NUCKS1: variants seen among roughly 807,000 people sequenced by gnomAD.
The protein encoded by NUCKS1 is nuclear ubiquitous casein and cyclin-dependent kinase substrate 1.
Under a neutral mutation model 33.0 loss-of-function variants are expected in NUCKS1, and 2 were observed. The observed-to-expected ratio is 0.06, with a 90% CI of 0.02 to 0.19. The LOEUF (loss-of-function observed/expected upper bound fraction) is 0.19. NUCKS1 is among the 10% of genes least tolerant of loss of function. The pLI, the probability that NUCKS1 is intolerant of heterozygous loss-of-function variation, is 1.00. For missense variants in NUCKS1, 201 were observed against 293.6 expected, an observed-to-expected ratio of 0.68 and a Z score of 2.31; for synonymous variants, 106 against 102.8, an observed-to-expected ratio of 1.03 and a Z score of -0.19.
chr1:205,745,091 T>C (rs1323854561), intron 1 of NUCKS1, among the ~76,000 whole-genome samples: 3 of 152,228 alleles, frequency 2.0e-5, no homozygotes, highest in Admixed American at 2.0e-4. Flanking sequence ...ACTAGGAATG[T>C]GGACTTCTAA....
chr1:205,722,941 T>G lies in NUCKS1; in HGVS notation c.229+985A>C, dbSNP rs12079737. Among the ~76,000 whole-genome samples the G allele has an allele frequency of 7.7e-4, 117 of 152,290 alleles. 1 individual carries two copies. Among genetic ancestry groups the G allele is most frequent in the African/African-American group, 2.6e-3 (108 of 41,564 alleles). ...ATGGCCGACCCAAAACTAAACCCAC[T>G]TGGTAGAAGCTTAGCTTAATACTAG... On this transcript the variant is annotated intron_variant, in intron 4 of 6. Transcript: ENST00000367142.
intron 2 of NUCKS1, among the ~76,000 whole-genome samples, chr1:205,728,706 T>C (rs1280187600): frequency 2.0e-5 from 3 of 152,150 alleles, no homozygotes. Flanking sequence ...GAAAAAAGAA[T>C]AGTAAACATA....
chr1:205,741,986 A>C (rs922884129), intron 1 of NUCKS1, among the ~76,000 whole-genome samples: 3 of 152,204 alleles, frequency 2.0e-5, no homozygotes, highest in East Asian at 3.8e-4. Flanking sequence ...TATAGAACCA[A>C]GTTTCTCTGT....
At position 205,717,900 on chromosome 1, in the gene NUCKS1, C is replaced by T. The variant is rs141913446; in HGVS notation, c.*380G>A. 2.0e-6 allele frequency: 2 copies of T among 990,124 alleles called. No homozygotes were observed. Among genetic ancestry groups the T allele is most frequent in the African/African-American group, 1.7e-5 (1 of 57,404 alleles). 61.3% of individuals were successfully genotyped at this position (990,124 alleles called of 1,614,324 possible). A position where few individuals can be genotyped will look rare whatever the true frequency, so the allele number is the denominator to read the frequency against. ...TATTTTTTAGCAAAAAGCGAAGTTT[C>T]AATAGTGTTCATCTCAAATCTTATT... On this transcript the variant is annotated 3_prime_UTR_variant, in exon 7 of 7. Coordinates refer to ENST00000367142, the MANE Select transcript of NUCKS1 (RefSeq NM_022731.5).
Position 205,715,372 on chromosome 1 carries a change from C to T in NUCKS1, c.*2908G>A, listed in dbSNP as rs1435770488. ...ATTACCTCCCTAAAGGAGGAAACAC[C>T]CATTAATTTTCCCTTATGGAATCAA... On this transcript the variant is annotated 3_prime_UTR_variant, in exon 7 of 7. Coordinates refer to ENST00000367142, the MANE Select transcript of NUCKS1 (RefSeq NM_022731.5). 1 of 152,106 alleles carries T rather than the reference C, an allele frequency of 6.6e-6. No homozygotes were observed. Among genetic ancestry groups the T allele is most frequent in the Admixed American group, 6.6e-5 (1 of 15,264 alleles). The allele number at this position is 152,106 out of a possible 1,614,324, so 9.4% of individuals were successfully genotyped here.
intron 1 of NUCKS1, among the ~76,000 whole-genome samples, chr1:205,738,818 G>A (rs1469839129): frequency 6.6e-6 from 1 of 152,190 alleles, no homozygotes; most frequent in Admixed American, 6.5e-5. Context: ...TGAGGTGGGA[G>A]AATAGCTTGA....
chr1:205,747,630 C>T (rs1654363961), intron 1 of NUCKS1, among the ~76,000 whole-genome samples: 1 of 152,152 alleles, frequency 6.6e-6, no homozygotes, highest in Admixed American at 6.5e-5. Flanking sequence ...AAATTATACA[C>T]AGGCCTAAGG....
chr1:205,744,232 C>T (rs1336172869), intron 1 of NUCKS1, among the ~76,000 whole-genome samples: 3 of 152,178 alleles, frequency 2.0e-5, no homozygotes, highest in East Asian at 1.9e-4. Flanking sequence ...CACGAACTGG[C>T]TTTGGGTTGT....
intron 1 of NUCKS1, among the ~76,000 whole-genome samples, chr1:205,742,617 G>T (rs764764919): frequency 3.3e-5 from 5 of 152,174 alleles, no homozygotes; most frequent in Non-Finnish European, 4.4e-5. Context: ...AAGGTCAGGG[G>T]ATCGAGACCA....
chr1:205,749,650 T>G (rs1204179046), intron 1 of NUCKS1, among the ~76,000 whole-genome samples: 1 of 151,180 alleles, frequency 6.6e-6, no homozygotes, highest in African/African-American at 2.4e-5. Flanking sequence ...TTCACACCCC[T>G]CCCCCTCCGG....
At chr1:205,738,447 T>TC (rs887371342) in intron 1 of NUCKS1, among the ~76,000 whole-genome samples, 19 of 151,822 alleles carry the variant, frequency 1.3e-4, no homozygotes, top group Non-Finnish European at 2.5e-4. Context: ...CTAATTTTTT[T>TC]TTTTTTTTTT....
rs527290082 is a variant in NUCKS1, at chr1:205,720,643, T to C, written c.240A>G (p.Glu80=). 1.2e-6 allele frequency: 2 copies of C among 1,612,852 alleles called. No homozygotes were observed. Among genetic ancestry groups the C allele is most frequent in the Non-Finnish European group, 1.7e-6 (2 of 1,179,750 alleles). The part of the protein sequence containing the change: ...KDDSHSAEDS[E]DEKEDHKNVR... ...CATTTTTATGATCTTCTTTTTCATC[T>C]TCACTATCCTCTGCAATATCAGAAT... The change falls in exon 5 of 7, where the codon GAA becomes GAG. Residue 80 remains glutamate, a synonymous_variant. Coordinates refer to ENST00000367142, the MANE Select transcript of NUCKS1 (RefSeq NM_022731.5).
rs1671962977 is a variant in NUCKS1 at position 205,723,960 on chromosome 1, A to G, written c.195T>C (p.Asp65=). 6.2e-7 allele frequency: 1 copy of G among 1,612,712 alleles called. No homozygotes were observed. The highest frequency in any genetic ancestry group is 2.2e-5 in the East Asian group (1 of 44,780). Residue 65 remains aspartate, a synonymous_variant, in exon 4 of 7, where the codon GAT becomes GAC. Coordinates refer to ENST00000367142, the MANE Select transcript of NUCKS1 (RefSeq NM_022731.5). ...GAGAATCATCCTTCTTGGTCTTCAC[A>G]TCTTTGTCTTCTGAGTCCTCACTAT... ...QEDSEDSEDK[D]VKTKKDDSHS... is the part of the protein sequence containing the mutation.
At position 205,714,377 on chromosome 1, in the gene NUCKS1, G is replaced by A. The variant is rs1307626808; in HGVS notation, c.*3903C>T. 1 of 152,004 alleles carries A rather than the reference G, an allele frequency of 6.6e-6. No homozygotes were observed. The highest frequency in any genetic ancestry group is 6.6e-5 in the Admixed American group (1 of 15,244). The allele number at this position is 152,004 out of a possible 1,614,324, so 9.4% of individuals were successfully genotyped here. A position where few individuals can be genotyped will look rare whatever the true frequency, so the allele number is the denominator to read the frequency against. On this transcript the variant is annotated 3_prime_UTR_variant, in exon 7 of 7. Coordinates refer to ENST00000367142, the MANE Select transcript of NUCKS1 (RefSeq NM_022731.5). ...GGTGGCATTCTACCAGCCACACAAAGCATGCTCAAACAGATGTCACCAGTT... is the reference window on the plus strand; with the variant it reads ...GGTGGCATTCTACCAGCCACACAAAACATGCTCAAACAGATGTCACCAGTT...
intron 1 of NUCKS1, among the ~76,000 whole-genome samples, chr1:205,740,927 C>T: frequency 6.6e-6 from 1 of 152,024 alleles, no homozygotes; most frequent in East Asian, 1.9e-4. Context: ...TTATAAGGCA[C>T]TCCTTATTCC....
At chr1:205,741,458 T>G (rs1015538574) in intron 1 of NUCKS1, among the ~76,000 whole-genome samples, 7 of 152,132 alleles carry the variant, frequency 4.6e-5, no homozygotes, top group African/African-American at 1.4e-4. Context: ...CAGAGAAACC[T>G]CTAATGTGTG....
rs1275686961 is a variant in NUCKS1 at position 205,750,158 on chromosome 1, G to A, written c.-185C>T. The A allele has an allele frequency of 1.7e-5, 11 of 634,636 alleles. No homozygotes were observed. Among genetic ancestry groups the A allele is most frequent in the Admixed American group, 8.1e-5 (3 of 37,104 alleles). 39.3% of individuals were successfully genotyped at this position (634,636 alleles called of 1,614,324 possible). ...GGCTCCTGGAACAGACGAGCCCCCC[G>A]CTCCCCCGTCTCTTCAAAATGGATG... is the stretch of plus-strand genomic sequence containing the variant. On this transcript the variant is annotated 5_prime_UTR_variant, in exon 1 of 7. Coordinates refer to ENST00000367142, the MANE Select transcript of NUCKS1 (RefSeq NM_022731.5).
Position 205,713,185 on chromosome 1 carries a change from C to T in NUCKS1, c.*5095G>A, listed in dbSNP as rs1336355357. 6.6e-6 allele frequency: 1 copy of T among 151,684 alleles called. No individual in the cohort carries two copies. The highest frequency in any genetic ancestry group is 2.4e-5 in the African/African-American group (1 of 41,232). The allele number at this position is 151,684 out of a possible 1,614,324, so 9.4% of individuals were successfully genotyped here. On this transcript the variant is annotated 3_prime_UTR_variant, in exon 7 of 7. Transcript: ENST00000367142. Reference sequence around the variant, plus strand: ...AAGGTATTACAAGAAGTACACAGAGCACACATCTGGGTTATAAAAGCCCTT... The same window carrying T: ...AAGGTATTACAAGAAGTACACAGAGTACACATCTGGGTTATAAAAGCCCTT...
chr1:205,728,912 T>C (rs1304413282), intron 2 of NUCKS1, among the ~76,000 whole-genome samples: 3 of 152,002 alleles, frequency 2.0e-5, no homozygotes, highest in Admixed American at 6.6e-5. Flanking sequence ...CAGCAGGAGA[T>C]TTTTTTTCCC....
Sources: allele counts gnomAD v4.1 joint callset (sites outside exome capture counted in the v4.1 genomes callset), GRCh38; gene constraint gnomAD v4.1.1; transcripts MANE v1.5; gene names NCBI Gene and HGNC (gene_info 2026-07-23, HGNC 2026-07-21).